EPHB1: variants seen among roughly 807,000 people sequenced by gnomAD.
EPHB1 encodes ephrin type-B receptor 1.
In EPHB1, 30 loss-of-function variants were observed where a neutral mutation model predicts 94.4. That is an observed-to-expected ratio of 0.32 (90% CI 0.24 to 0.43). The LOEUF is 0.43. Ranked by LOEUF, EPHB1 falls within the 20% of genes least tolerant of loss-of-function variation. The pLI is 1.00. For synonymous variants in EPHB1, 522 were observed against 489.1 expected (o/e 1.07, Z -0.89); for missense variants, 1,055 against 1,308.3 (o/e 0.81, Z 2.99).
intron 1 of EPHB1, among the ~76,000 whole-genome samples, chr3:134,828,801 G>T (rs2036531436): frequency 6.6e-6 from 1 of 152,176 alleles, no homozygotes; most frequent in Non-Finnish European, 1.5e-5. Context: ...CCAAATCAGG[G>T]CATAGACACC....
intron 1 of EPHB1, among the ~76,000 whole-genome samples, chr3:134,810,512 C>G (rs1258347127): frequency 6.6e-6 from 1 of 152,132 alleles, no homozygotes; most frequent in Non-Finnish European, 1.5e-5. Flanking sequence ...GGAGGACTGA[C>G]CTTTGCAACT....
At chr3:135,027,046 A>G (rs1445659241) in intron 3 of EPHB1, among the ~76,000 whole-genome samples, 1 of 140,170 alleles carries the variant, frequency 7.1e-6, no homozygotes, top group African/African-American at 2.7e-5. Context: ...AATGCTTGTG[A>G]TTTTTGCACA....
intron 15 of EPHB1, among the ~76,000 whole-genome samples, chr3:135,254,699 T>C (rs1211423953): frequency 6.6e-6 from 1 of 152,042 alleles, no homozygotes; most frequent in African/African-American, 2.4e-5. Flanking sequence ...TGTCTCTGCC[T>C]GGCTTTGGTA....
chr3:135,026,777 G>A (rs1936192341), intron 3 of EPHB1, among the ~76,000 whole-genome samples: 1 of 140,576 alleles, frequency 7.1e-6, no homozygotes, highest in African/African-American at 2.7e-5. Context: ...TGATGGGGAT[G>A]GCATTGAATC....
At chr3:135,040,439 G>A (rs1458648960) in intron 3 of EPHB1, among the ~76,000 whole-genome samples, 1 of 152,224 alleles carries the variant, frequency 6.6e-6, no homozygotes, top group African/African-American at 2.4e-5. Flanking sequence ...TTGGGGACCT[G>A]CAGCATTGGG....
chr3:134,887,299 G>A (rs1393113289), intron 1 of EPHB1, among the ~76,000 whole-genome samples: 1 of 152,178 alleles, frequency 6.6e-6, no homozygotes, highest in Non-Finnish European at 1.5e-5. Context: ...TGAGCTCAGG[G>A]TCCAAGAAGA....
chr3:135,187,622 T>A (rs1356550294), intron 10 of EPHB1, among the ~76,000 whole-genome samples: 4 of 152,130 alleles, frequency 2.6e-5, no homozygotes, highest in African/African-American at 9.7e-5. Flanking sequence ...ATAATAGCAA[T>A]ACGCCCATCG....
intron 12 of EPHB1, among the ~76,000 whole-genome samples, chr3:135,215,136 G>A (rs1227182358): frequency 1.3e-5 from 2 of 151,994 alleles, no homozygotes; most frequent in African/African-American, 2.4e-5. Flanking sequence ...GGCAAGAGAT[G>A]GCAGATGTAC....
rs1233165627 is a variant in EPHB1 at position 135,132,736 on chromosome 3, T to A, written c.984T>A (p.Asn328Lys). The change falls in exon 5 of 16, where the codon AAT (asparagine) becomes AAA (lysine). Residue 328 changes from asparagine (N) to lysine (K), a missense_variant. Coordinates refer to ENST00000398015, the MANE Select transcript of EPHB1 (RefSeq NM_004441.5). ...CAGGCGTCCCATCAGGTCCCCGCAA[T>A]GTTATCTCCATCGTCAATGAGACGT... ...ACTSVPSGPR[N>K]VISIVNETSI... The A allele has an allele frequency of 6.3e-7, 1 of 1,599,786 alleles. No homozygotes were observed. Among genetic ancestry groups the A allele is most frequent in the African/African-American group, 1.3e-5 (1 of 74,854 alleles).
intron 3 of EPHB1, among the ~76,000 whole-genome samples, chr3:134,996,296 C>T (rs1387147073): frequency 1.3e-5 from 2 of 152,104 alleles, no homozygotes; most frequent in Non-Finnish European, 2.9e-5. Flanking sequence ...CAGGCTTGGG[C>T]AATCCTCCAA....
At chr3:135,139,898 A>C (rs1011308349) in intron 5 of EPHB1, among the ~76,000 whole-genome samples, 4 of 152,218 alleles carry the variant, frequency 2.6e-5, no homozygotes, top group African/African-American at 9.6e-5. Flanking sequence ...ACACGCTGGG[A>C]CACACAGTGG....
At chr3:134,938,526 G>A (rs2039053806) in intron 2 of EPHB1, among the ~76,000 whole-genome samples, 1 of 152,172 alleles carries the variant, frequency 6.6e-6, no homozygotes, top group South Asian at 2.1e-4. Flanking sequence ...TCAGCTGCCT[G>A]CACTTACACA....
chr3:135,222,357 A>G (rs1018960644), intron 12 of EPHB1, among the ~76,000 whole-genome samples: 2 of 152,196 alleles, frequency 1.3e-5, no homozygotes, highest in Non-Finnish European at 2.9e-5. Context: ...TGTTTCTCCA[A>G]TGCAAACGCA....
intron 3 of EPHB1, among the ~76,000 whole-genome samples, chr3:134,956,656 C>T (rs552749359): frequency 4.6e-5 from 7 of 152,204 alleles, no homozygotes; most frequent in Middle Eastern, 3.4e-3. Flanking sequence ...AAACTTGCTA[C>T]GTGGTTTTAG....
At chr3:135,066,370 A>C (rs2107779484) in intron 3 of EPHB1, among the ~76,000 whole-genome samples, 1 of 152,238 alleles carries the variant, frequency 6.6e-6, no homozygotes, top group East Asian at 1.9e-4. Flanking sequence ...AAAATCCCAA[A>C]CTTCTTGGAG....
At chr3:135,103,470 T>G (rs901599227) in intron 3 of EPHB1, among the ~76,000 whole-genome samples, 4 of 151,984 alleles carry the variant, frequency 2.6e-5, no homozygotes, top group African/African-American at 4.8e-5. Flanking sequence ...TTTAAAGGAG[T>G]GGGTAAGTTG....
rs780538331 is a variant in EPHB1 at position 135,220,782 on chromosome 3, C to T, written c.2346+19093C>T. On this transcript the variant is annotated intron_variant, in intron 12 of 15. Transcript: ENST00000398015. ...TTGTCTGAGTGTTATCTATAAAATG[C>T]GAATTCACAGCCCACTTGTGCCTGA... is the stretch of plus-strand genomic sequence containing the variant. Among the ~76,000 whole-genome samples, 102 of 152,210 alleles carry T rather than the reference C, an allele frequency of 6.7e-4. 1 individual carries two copies. Among genetic ancestry groups the T allele is most frequent in the Middle Eastern group, 6.8e-3 (2 of 294 alleles).
chr3:135,109,268 A>T (rs751153085), intron 4 of EPHB1, among the ~76,000 whole-genome samples: 2 of 152,214 alleles, frequency 1.3e-5, no homozygotes, highest in Non-Finnish European at 2.9e-5. Context: ...GGGCTTTGGC[A>T]CTTCAGAGAC....
intron 12 of EPHB1, among the ~76,000 whole-genome samples, chr3:135,232,877 C>G (rs993438574): frequency 6.6e-6 from 1 of 152,150 alleles, no homozygotes; most frequent in Non-Finnish European, 1.5e-5. Flanking sequence ...GGGGGGAAAA[C>G]TCCTTATAAA....
Sources: gnomAD v4.1 joint callset for allele counts (sites outside exome capture counted in the v4.1 genomes callset) on GRCh38, gnomAD v4.1.1 for gene constraint, MANE v1.5 for transcripts, NCBI Gene and HGNC (gene_info 2026-07-23, HGNC 2026-07-21) for gene names.